Variants in ERGIC1 observed in about 807,000 individuals in gnomAD.
ERGIC1 encodes endoplasmic reticulum-golgi intermediate compartment 1, also known as endoplasmic reticulum-Golgi intermediate compartment protein 1.
A neutral mutation model predicts 38.3 loss-of-function variants in ERGIC1; 19 were observed. The ratio of observed to expected loss-of-function variants is 0.50; its 90% confidence interval spans 0.35 to 0.73. The LOEUF is 0.73. Among genes scored for constraint, ERGIC1 ranks in the 30% least tolerant of loss-of-function variants. The probability of loss-of-function intolerance (pLI) is 0.01; values close to 1 mark genes in which losing one functional copy is unlikely to be tolerated. For missense variants in ERGIC1, 294 were observed against 389.2 expected (o/e 0.76, Z 2.06); for synonymous variants, 124 against 157.6 (o/e 0.79, Z 1.60).
intron 9 of ERGIC1, among the ~76,000 whole-genome samples, chr5:172,939,733 G>C (rs1439931442): frequency 6.6e-6 from 1 of 152,262 alleles, no homozygotes; most frequent in Non-Finnish European, 1.5e-5. Context: ...CACCTTGGTT[G>C]CCATGGTAAC....
chr5:172,937,582 A>T (rs1363564636), intron 9 of ERGIC1: 1 of 152,068 alleles, frequency 6.6e-6, no homozygotes. Context: ...AGGTGGGAGG[A>T]TTGCTTGAGC....
intron 9 of ERGIC1, among the ~76,000 whole-genome samples, chr5:172,944,748 C>G (rs1175194267): frequency 6.6e-6 from 1 of 152,204 alleles, no homozygotes; most frequent in Non-Finnish European, 1.5e-5. Context: ...CAAGCCAATT[C>G]TGCCAGCCTC....
At chr5:172,906,226 C>G (rs1417663104) in intron 3 of ERGIC1, 2 of 454,096 alleles carry the variant, frequency 4.4e-6, no homozygotes, top group Non-Finnish European at 8.9e-6. Flanking sequence ...AGGACCAGGG[C>G]CCTCCTTCAT....
chr5:172,920,453 C>T (rs76876133), intron 5 of ERGIC1: 8,725 of 717,762 alleles, frequency 0.012, 87 homozygotes, highest in Non-Finnish European at 0.017. Flanking sequence ...CTCGTTTCAT[C>T]AGCCAGCCCC....
At chr5:172,844,207 G>A (rs1761230908) in intron 1 of ERGIC1, among the ~76,000 whole-genome samples, 1 of 152,242 alleles carries the variant, frequency 6.6e-6, no homozygotes, top group Non-Finnish European at 1.5e-5. Flanking sequence ...AAAGTGGCCA[G>A]AGGGTCACAC....
At position 172,952,004 on chromosome 5, in the gene ERGIC1, C is replaced by A. The variant is rs1450626789; in HGVS notation, c.*1188C>A. The stretch of plus-strand genomic sequence containing the variant: ...CCTGAGGCAGCTCCAGGGTGCCCCA[C>A]CTGCTCCTGAGGTGGGTCCCTACCC... On this transcript the variant is annotated 3_prime_UTR_variant, in exon 10 of 10. Transcript: ENST00000393784. 1 of 152,270 alleles carries A rather than the reference C, an allele frequency of 6.6e-6. No homozygotes were observed. The highest frequency in any genetic ancestry group is 1.5e-5 in the Non-Finnish European group (1 of 68,080). 9.4% of individuals were successfully genotyped at this position (152,270 alleles called of 1,614,324 possible). A position where few individuals can be genotyped will look rare whatever the true frequency, so the allele number is the denominator to read the frequency against.
At chr5:172,842,184 C>T (rs890104881) in intron 1 of ERGIC1, among the ~76,000 whole-genome samples, 6 of 152,184 alleles carry the variant, frequency 3.9e-5, no homozygotes, top group Non-Finnish European at 7.3e-5. Flanking sequence ...GCTGGGATTA[C>T]AGGCATGCAC....
At chr5:172,884,054 A>C (rs1762351443) in intron 1 of ERGIC1, among the ~76,000 whole-genome samples, 1 of 152,150 alleles carries the variant, frequency 6.6e-6, no homozygotes, top group South Asian at 2.1e-4. Flanking sequence ...TGTAATTAAT[A>C]AGCGTTTTCT....
At chr5:172,945,810 G>A (rs1399213770) in intron 9 of ERGIC1, among the ~76,000 whole-genome samples, 2 of 152,076 alleles carry the variant, frequency 1.3e-5, no homozygotes, top group Non-Finnish European at 2.9e-5. Context: ...TCAGCCTCCC[G>A]AGTAGCTGGG....
At chr5:172,925,735 A>G (rs1443301061) in intron 6 of ERGIC1, among the ~76,000 whole-genome samples, 1 of 152,006 alleles carries the variant, frequency 6.6e-6, no homozygotes, top group Admixed American at 6.6e-5. Context: ...CTTGGTGTCA[A>G]TGTCATTTCC....
Position 172,837,676 on chromosome 5 carries a change from G to GTA in ERGIC1, c.20+3243_20+3244insTA, listed in dbSNP as rs1481681625. ...ATCTCCCCTCTCCACCCTTGAATCTGCCGTTCCTAGGTTGTTTTTGGGGTT... is the reference window on the plus strand; with the variant it reads ...ATCTCCCCTCTCCACCCTTGAATCTGTACCGTTCCTAGGTTGTTTTTGGGGTT... On this transcript the variant is annotated intron_variant, in intron 1 of 9. Transcript: ENST00000393784. This position sits in a 1 kb window ranked among gnomAD's most constrained non-coding sequence, Gnocchi z 4.3. 6.6e-6 allele frequency among the ~76,000 whole-genome samples: 1 copy of GTA among 152,226 alleles called. No homozygotes were observed. The highest frequency in any genetic ancestry group is 2.4e-5 in the African/African-American group (1 of 41,470).
chr5:172,913,975 T>C (rs1289794923), intron 4 of ERGIC1, among the ~76,000 whole-genome samples: 3 of 151,996 alleles, frequency 2.0e-5, no homozygotes, highest in Non-Finnish European at 4.4e-5. Flanking sequence ...TGGCCTACAC[T>C]TGTAATCCCA....
intron 5 of ERGIC1, chr5:172,920,468 G>T: frequency 1.4e-6 from 1 of 717,678 alleles, no homozygotes. Context: ...AGCCCCGCAG[G>T]AGGAGGACAG....
At chr5:172,923,939 G>A in intron 5 of ERGIC1, 66 bp from the exon 6 acceptor site, 1 of 1,397,344 alleles carries the variant, frequency 7.2e-7, no homozygotes, top group Non-Finnish European at 1.0e-6. Context: ...CACACAGGGT[G>A]AGGCCCCAAT....
chr5:172,877,476 T>TTTTTTTA (rs1762176135), intron 1 of ERGIC1, among the ~76,000 whole-genome samples: 1 of 124,052 alleles, frequency 8.1e-6, no homozygotes, highest in African/African-American at 2.9e-5. Context: ...TTTTTTTTTT[T>TTTTTTTA]GAGATGGAGT....
At chr5:172,940,874 G>A (rs1300720184) in intron 9 of ERGIC1, among the ~76,000 whole-genome samples, 1 of 152,230 alleles carries the variant, frequency 6.6e-6, no homozygotes, top group Non-Finnish European at 1.5e-5. Flanking sequence ...TGGTTGTCAG[G>A]CCTGATGATG....
chr5:172,878,340 T>A (rs1762196759), intron 1 of ERGIC1, among the ~76,000 whole-genome samples: 1 of 152,180 alleles, frequency 6.6e-6, no homozygotes, highest in African/African-American at 2.4e-5. Flanking sequence ...CCTGTTTCCC[T>A]CTTCCAGGCA....
chr5:172,870,248 T>C (rs1269435387), intron 1 of ERGIC1, among the ~76,000 whole-genome samples: 2 of 152,178 alleles, frequency 1.3e-5, no homozygotes, highest in African/African-American at 2.4e-5. Context: ...AATTGGTGAT[T>C]TTACCTAATT....
At chr5:172,894,072 G>T (rs1393367326) in intron 2 of ERGIC1, among the ~76,000 whole-genome samples, 2 of 94,020 alleles carry the variant, frequency 2.1e-5, no homozygotes, top group Non-Finnish European at 4.4e-5. Context: ...AATACGCATT[G>T]TTAACTATTT....
Sources: allele counts gnomAD v4.1 joint callset (sites outside exome capture counted in the v4.1 genomes callset), GRCh38; gene constraint gnomAD v4.1.1; non-coding constraint Gnocchi (gnomAD v3.1); transcripts MANE v1.5; gene names NCBI Gene and HGNC (gene_info 2026-07-23, HGNC 2026-07-21).